Variants in TGIF1 observed in about 807,000 individuals in gnomAD.
TGIF1 encodes homeobox protein TGIF1.
In TGIF1, 4 loss-of-function variants were observed where a neutral mutation model predicts 19.3. The observed-to-expected ratio is 0.21, with a 90% CI of 0.10 to 0.47. TGIF1 has a LOEUF of 0.47. Among genes scored for constraint, TGIF1 ranks in the 20% least tolerant of loss-of-function variants. TGIF1 has a pLI of 0.98. For missense variants in TGIF1, 275 were observed against 341.4 expected, an observed-to-expected ratio of 0.81 and a Z score of 1.53; for synonymous variants, 122 against 129.3, an observed-to-expected ratio of 0.94 and a Z score of 0.38.
At chr18:3,433,813 T>A (rs1453405957) in intron 2 of TGIF1, among the ~76,000 whole-genome samples, 3 of 152,220 alleles carry the variant, frequency 2.0e-5, no homozygotes, top group African/African-American at 7.2e-5. Context: ...GTCATGATGG[T>A]TGCACAGCCA....
At chr18:3,413,258 G>C (rs1026268621) in intron 1 of TGIF1, among the ~76,000 whole-genome samples, 1 of 152,170 alleles carries the variant, frequency 6.6e-6, no homozygotes, top group Admixed American at 6.5e-5. Context: ...TATGTTAAAG[G>C]ATGGGAACAT....
intron 2 of TGIF1, among the ~76,000 whole-genome samples, chr18:3,427,036 C>T (rs148968834): frequency 0.015 from 2,249 of 151,602 alleles, 55 homozygotes; most frequent in African/African-American, 0.051. Context: ...CTCCACCTCC[C>T]GGGTTCAAGC....
chr18:3,451,836 G>A lies in TGIF1; in HGVS notation c.16+1331G>A, dbSNP rs1366505352. 3 of 1,387,158 alleles carry A rather than the reference G, an allele frequency of 2.2e-6. No individual in the cohort carries two copies. Among genetic ancestry groups the A allele is most frequent in the African/African-American group, 3.0e-5 (2 of 67,444 alleles). The allele number at this position is 1,387,158 out of a possible 1,614,324, so 85.9% of individuals were successfully genotyped here. On this transcript the variant is annotated intron_variant, in intron 1 of 2. Coordinates refer to ENST00000343820, the MANE Select transcript of TGIF1 (RefSeq NM_003244.4). The surrounding 1 kb of genome is among the most constrained non-coding windows in gnomAD (Gnocchi z 5.4). ...AGGGAGGACTCGGGACAGGGAATTG[G>A]CCCTGGGAGAAAACGCGCGGGGGGC...
chr18:3,423,436 T>C (rs566714041), intron 2 of TGIF1, among the ~76,000 whole-genome samples: 1 of 151,860 alleles, frequency 6.6e-6, no homozygotes, highest in Non-Finnish European at 1.5e-5. Context: ...TCCCAGCACT[T>C]TGGGAGGCCA....
intron 1 of TGIF1, among the ~76,000 whole-genome samples, chr18:3,413,371 T>C (rs2082294033): frequency 6.6e-6 from 1 of 152,250 alleles, no homozygotes; most frequent in Non-Finnish European, 1.5e-5. Context: ...GAGATTTATT[T>C]AGAATCATTA....
At chr18:3,435,908 T>C (rs1198382978) in intron 2 of TGIF1, among the ~76,000 whole-genome samples, 1 of 152,164 alleles carries the variant, frequency 6.6e-6, no homozygotes, top group African/African-American at 2.4e-5. Context: ...TCACCCAGGC[T>C]GGAGTGCAGT....
At position 3,456,817 on chromosome 18, in the gene TGIF1, G is replaced by T; in HGVS notation, c.243+237G>T. ...AATGCCTAAAAGAACCTTCCTTTAT[G>T]CAACAGACATTAAAAGGAGGTTAAA... is the stretch of plus-strand genomic sequence containing the variant. On this transcript the variant is annotated intron_variant, in intron 2 of 2. Coordinates refer to ENST00000343820, the MANE Select transcript of TGIF1 (RefSeq NM_003244.4). The surrounding 1 kb of genome is among the most constrained non-coding windows in gnomAD (Gnocchi z 4.2). The T allele has an allele frequency of 1.6e-6, 1 of 634,828 alleles. No individual in the cohort carries two copies. Among genetic ancestry groups the T allele is most frequent in the Non-Finnish European group, 2.8e-6 (1 of 357,774 alleles). 39.3% of individuals were successfully genotyped at this position (634,828 alleles called of 1,614,324 possible). A position where few individuals can be genotyped will look rare whatever the true frequency, so the allele number is the denominator to read the frequency against.
chr18:3,432,877 A>G (rs978406471), intron 2 of TGIF1, among the ~76,000 whole-genome samples: 5 of 151,846 alleles, frequency 3.3e-5, no homozygotes, highest in Admixed American at 1.3e-4. Context: ...CTCCTGCCTC[A>G]GCCTCCCGAG....
chr18:3,412,302 A>G (rs998059887), intron 1 of TGIF1: 1 of 152,218 alleles, frequency 6.6e-6, no homozygotes, highest in Non-Finnish European at 1.5e-5. Flanking sequence ...AGAGGAGACT[A>G]AATTTGAGAG....
At position 3,456,955 on chromosome 18, in the gene TGIF1, C is replaced by A. The variant is rs1293245747; in HGVS notation, c.243+375C>A. The A allele has an allele frequency of 2.1e-5, 12 of 578,178 alleles. No homozygotes were observed. The highest frequency in any genetic ancestry group is 2.7e-5 in the Non-Finnish European group (9 of 328,810). 35.8% of individuals were successfully genotyped at this position (578,178 alleles called of 1,614,324 possible). ...CATTTGAACTGGGAAAAATCAGTTA[C>A]TGGGAGGAGTGGCCCTTTTCATAAG... is the stretch of plus-strand genomic sequence containing the variant. On this transcript the variant is annotated intron_variant, in intron 2 of 2. Transcript: ENST00000343820. The surrounding 1 kb of genome is among the most constrained non-coding windows in gnomAD (Gnocchi z 4.2).
At chr18:3,449,992 C>G, upstream of TGIF1, 1 of 988,586 alleles carries the variant, frequency 1.0e-6, no homozygotes, top group Non-Finnish European at 1.2e-6. Flanking sequence ...GACCCGGCCA[C>G]CCCCCGCGTC....
intron 2 of TGIF1, among the ~76,000 whole-genome samples, chr18:3,428,168 G>T (rs1243147534): frequency 6.6e-6 from 1 of 152,206 alleles, no homozygotes; most frequent in Non-Finnish European, 1.5e-5. Context: ...CACTCTGGGG[G>T]CTGGGGGGAG....
intron 1 of TGIF1, chr18:3,453,964 C>G (rs925336108): frequency 6.0e-5 from 27 of 450,920 alleles, no homozygotes; most frequent in Non-Finnish European, 7.0e-5. Flanking sequence ...TTTTTCCAAG[C>G]TGAGCCACAA....
At chr18:3,419,743 C>T (rs139896722) in intron 2 of TGIF1, among the ~76,000 whole-genome samples, 3,791 of 152,304 alleles carry the variant, frequency 0.025, 166 homozygotes, top group African/African-American at 0.086. Flanking sequence ...CGGTGGCTCA[C>T]GCCTGTAATC....
upstream of TGIF1, chr18:3,449,790 C>T (rs111389753): frequency 2.5e-5 from 25 of 985,436 alleles, no homozygotes; most frequent in African/African-American, 4.0e-4. Flanking sequence ...GCTTTTCTTC[C>T]CGGGGGTGGA....
chr18:3,451,907 A>G lies in TGIF1; in HGVS notation c.16+1402A>G, dbSNP rs908670932. The stretch of plus-strand genomic sequence containing the variant: ...GCCGTGCCGACCCTTGGGAGGACTG[A>G]CAGGTCTAGAGACACGCGCTGTCTG... On this transcript the variant is annotated intron_variant, in intron 1 of 2. Transcript: ENST00000343820. This position sits in a 1 kb window ranked among gnomAD's most constrained non-coding sequence, Gnocchi z 5.4. 3 of 1,500,248 alleles carry G rather than the reference A, an allele frequency of 2.0e-6. No individual in the cohort carries two copies. The African/African-American group carries it at 4.2e-5, about 21-fold the overall frequency. 92.9% of individuals were successfully genotyped at this position (1,500,248 alleles called of 1,614,324 possible). A position where few individuals can be genotyped will look rare whatever the true frequency, so the allele number is the denominator to read the frequency against.
At position 3,452,112 on chromosome 18, in the gene TGIF1, G is replaced by A. The variant is rs773451816; in HGVS notation, c.16+1607G>A. ...GAATCCCCAGTGCTCCTTTTCCACG[G>A]CTTTTCTGGCGTCCCCCCGACTCTC... is the stretch of plus-strand genomic sequence containing the variant. On this transcript the variant is annotated intron_variant, in intron 1 of 2. Transcript: ENST00000343820. The A allele has an allele frequency of 9.3e-6, 15 of 1,613,678 alleles. No homozygotes were observed. The East Asian group carries it at 3.1e-4, about 34-fold the overall frequency.
chr18:3,421,505 C>A (rs917472872), intron 2 of TGIF1, among the ~76,000 whole-genome samples: 1 of 151,314 alleles, frequency 6.6e-6, no homozygotes, highest in Non-Finnish European at 1.5e-5. Context: ...TTCCACCTCC[C>A]AGGTTCAGGT....
chr18:3,450,041 C>A (rs964459615), upstream of TGIF1: 8 of 993,676 alleles, frequency 8.1e-6, no homozygotes, highest in African/African-American at 1.7e-5. Flanking sequence ...CAGCGGCCGC[C>A]GCGCTCGGTC....
Sources: gnomAD v4.1 joint callset for allele counts (sites outside exome capture counted in the v4.1 genomes callset) on GRCh38, gnomAD v4.1.1 for gene constraint, Gnocchi (gnomAD v3.1) non-coding constraint, MANE v1.5 for transcripts, NCBI Gene and HGNC (gene_info 2026-07-23, HGNC 2026-07-21) for gene names.